Variants in BICD1 observed in about 807,000 individuals in gnomAD.
BICD1 encodes the protein BICD cargo adaptor 1, also known as protein bicaudal D homolog 1.
A neutral mutation model predicts 92.5 loss-of-function variants in BICD1; 35 were observed. That is an observed-to-expected ratio of 0.38 (90% CI 0.29 to 0.50). The LOEUF (loss-of-function observed/expected upper bound fraction) is 0.50, where lower values mean the gene tolerates loss of function less well. BICD1 is among the 20% of genes least tolerant of loss of function. The pLI, the probability that BICD1 is intolerant of heterozygous loss-of-function variation, is 0.93. For missense variants in BICD1, 950 were observed against 1,189.8 expected, an observed-to-expected ratio of 0.80 and a Z score of 2.97; for synonymous variants, 429 against 465.1, an observed-to-expected ratio of 0.92 and a Z score of 1.00.
intron 4 of BICD1, 98 bp downstream of exon 4, chr12:32,306,220 T>G (rs1948212478): frequency 8.5e-7 from 1 of 1,176,704 alleles, no homozygotes; most frequent in Non-Finnish European, 1.2e-6. Flanking sequence ...TCTAGATTTC[T>G]TTTCTTTTTT....
intron 2 of BICD1, among the ~76,000 whole-genome samples, chr12:32,263,310 A>C (rs554863412): frequency 2.2e-4 from 34 of 152,292 alleles, no homozygotes; most frequent in Non-Finnish European, 4.7e-4. Context: ...GCACTTTGGG[A>C]GGCCGAGGCG....
intron 2 of BICD1, among the ~76,000 whole-genome samples, chr12:32,237,820 G>A (rs1946117117): frequency 6.6e-6 from 1 of 152,194 alleles, no homozygotes; most frequent in African/African-American, 2.4e-5. Flanking sequence ...AGCTCTGAAA[G>A]TATAAGGAGA....
At chr12:32,293,019 T>TA (rs542482238) in intron 2 of BICD1, among the ~76,000 whole-genome samples, 12 of 150,396 alleles carry the variant, frequency 8.0e-5, no homozygotes, top group Admixed American at 2.0e-4. Flanking sequence ...AGCTTGTTGT[T>TA]AAAAAAAAAA....
chr12:32,347,092 C>T (rs1017898375), intron 8 of BICD1, among the ~76,000 whole-genome samples: 1 of 151,312 alleles, frequency 6.6e-6, no homozygotes, highest in Non-Finnish European at 1.5e-5. Flanking sequence ...GCTAGGATTA[C>T]AGGTATGTGC....
At chr12:32,361,050 G>C (rs899662001) in intron 8 of BICD1, among the ~76,000 whole-genome samples, 1 of 152,176 alleles carries the variant, frequency 6.6e-6, no homozygotes, top group African/African-American at 2.4e-5. Context: ...AGTGTGATGT[G>C]GCTGCCCAAA....
intron 2 of BICD1, among the ~76,000 whole-genome samples, chr12:32,218,349 A>T (rs1263226988): frequency 1.3e-5 from 2 of 152,278 alleles, no homozygotes; most frequent in Non-Finnish European, 2.9e-5. Flanking sequence ...CACCTGGAGA[A>T]CTCATCAGAC....
intron 4 of BICD1, among the ~76,000 whole-genome samples, chr12:32,315,872 A>G (rs1430609611): frequency 6.6e-6 from 1 of 152,112 alleles, no homozygotes; most frequent in Non-Finnish European, 1.5e-5. Context: ...GTGGTGGCTC[A>G]TGCTTGTAAT....
chr12:32,210,034 T>C (rs551084134), intron 1 of BICD1, among the ~76,000 whole-genome samples: 59 of 152,292 alleles, frequency 3.9e-4, no homozygotes, highest in Middle Eastern at 3.4e-3. Flanking sequence ...TAGCCTATGC[T>C]CTTGCCTTAA....
chr12:32,211,879 C>T (rs1945226531), intron 1 of BICD1, among the ~76,000 whole-genome samples: 1 of 152,126 alleles, frequency 6.6e-6, no homozygotes, highest in South Asian at 2.1e-4. Flanking sequence ...CCTCCAGAGG[C>T]CTTTTAATGG....
chr12:32,217,476 C>T (rs16919490), intron 2 of BICD1, among the ~76,000 whole-genome samples: 17,868 of 152,218 alleles, frequency 0.12, 1,349 homozygotes, highest in African/African-American at 0.21. Flanking sequence ...TACGTTTACA[C>T]ATGTCCATAT....
intron 2 of BICD1, among the ~76,000 whole-genome samples, chr12:32,222,249 T>C (rs141130941): frequency 6.6e-6 from 1 of 152,180 alleles, no homozygotes; most frequent in Non-Finnish European, 1.5e-5. Flanking sequence ...ATGCAGAAGA[T>C]TGGAGTTATC....
At chr12:32,334,762 T>C (rs765159150) in intron 6 of BICD1, 95 bp downstream of exon 6, 21 of 1,400,182 alleles carry the variant, frequency 1.5e-5, no homozygotes, top group Non-Finnish European at 1.8e-5. Flanking sequence ...GTGTATTCGG[T>C]GAGTAGTCTA....
intron 4 of BICD1, among the ~76,000 whole-genome samples, chr12:32,321,990 C>G (rs1948673045): frequency 6.6e-6 from 1 of 152,130 alleles, no homozygotes; most frequent in African/African-American, 2.4e-5. Context: ...CAGAGTGAGA[C>G]TCCGTCTCAA....
chr12:32,339,497 A>G (rs1305158356), intron 8 of BICD1: 1 of 985,316 alleles, frequency 1.0e-6, no homozygotes, highest in African/African-American at 1.7e-5. Context: ...AGGTCTTAGT[A>G]TAATGTTCTT....
intron 2 of BICD1, among the ~76,000 whole-genome samples, chr12:32,286,309 A>G (rs1318429435): frequency 2.0e-5 from 3 of 152,288 alleles, no homozygotes; most frequent in Middle Eastern, 3.4e-3. Context: ...ACAATTTTAT[A>G]TAAATGACTG....
intron 4 of BICD1, among the ~76,000 whole-genome samples, chr12:32,316,745 T>G (rs1340066932): frequency 6.6e-6 from 1 of 152,140 alleles, no homozygotes; most frequent in Non-Finnish European, 1.5e-5. Context: ...AGGGTACATA[T>G]GCACAACGTG....
At chr12:32,202,669 G>C (rs978475017) in intron 1 of BICD1, among the ~76,000 whole-genome samples, 1 of 152,106 alleles carries the variant, frequency 6.6e-6, no homozygotes, top group African/African-American at 2.4e-5. Flanking sequence ...TGGGTACAGT[G>C]GTGTGATCTT....
At chr12:32,298,928 GTATTCAGT>G (rs1947957890) in intron 3 of BICD1, among the ~76,000 whole-genome samples, 11 of 151,058 alleles carry the variant, frequency 7.3e-5, no homozygotes, top group Admixed American at 7.3e-4. Context: ...CCTAGGAAAT[GTATTCAGT>G]TGTTTTATTT....
intron 1 of BICD1, chr12:32,108,307 C>G: frequency 1.0e-5 from 2 of 194,896 alleles, no homozygotes; most frequent in East Asian, 1.3e-4. Context: ...ATTTATAAAA[C>G]CAGAATATCA....
Sources: allele counts gnomAD v4.1 joint callset (sites outside exome capture counted in the v4.1 genomes callset), GRCh38; gene constraint gnomAD v4.1.1; transcripts MANE v1.5; gene names NCBI Gene and HGNC (gene_info 2026-07-23, HGNC 2026-07-21).